QDPR: variants seen among roughly 807,000 people sequenced by gnomAD.
QDPR encodes the protein dihydropteridine reductase.
A neutral mutation model predicts 31.7 loss-of-function variants in QDPR; 23 were observed. The observed-to-expected ratio is 0.73, with a 90% CI of 0.52 to 1.03. The LOEUF is 1.03. Among genes scored for constraint, QDPR ranks in the 50% least tolerant of loss-of-function variants. The pLI is 0.00. For synonymous variants in QDPR, 124 were observed against 124.7 expected (o/e 0.99, Z 0.03); for missense variants, 324 against 323.8 (o/e 1.00, Z 0.00).
In QDPR at chr4:17,487,060, G is replaced by A; in HGVS notation, c.*71C>T. 1.6e-6 allele frequency: 2 copies of A among 1,227,858 alleles called. No homozygotes were observed. Among genetic ancestry groups the A allele is most frequent in the South Asian group, 2.4e-5 (2 of 82,996 alleles). The allele number at this position is 1,227,858 out of a possible 1,614,324, so 76.1% of individuals were successfully genotyped here. A position where few individuals can be genotyped will look rare whatever the true frequency, so the allele number is the denominator to read the frequency against. On this transcript the variant is annotated 3_prime_UTR_variant, in exon 7 of 7. Coordinates refer to ENST00000281243, the MANE Select transcript of QDPR (RefSeq NM_000320.3). ...AAACAGGGGTTACAGAAAACACAAG[G>A]CTGGACAAGGCCACACTGAGACAGG... is the stretch of plus-strand genomic sequence containing the variant.
intron 6 of QDPR, chr4:17,490,131 G>C (rs1425544744): frequency 5.6e-6 from 1 of 179,326 alleles, no homozygotes; most frequent in African/African-American, 2.3e-5. Context: ...TGGGCAAAAA[G>C]GATTTCGGAA....
rs79326888 is a variant in QDPR at position 17,501,051 on chromosome 4, G to A, written c.436+668C>T. Among the ~76,000 whole-genome samples, 1,389 of 152,262 alleles carry A rather than the reference G, an allele frequency of 9.1e-3. 28 individuals carry two copies. Among genetic ancestry groups the A allele is most frequent in the African/African-American group, 0.031 (1,308 of 41,530 alleles). On this transcript the variant is annotated intron_variant, in intron 4 of 6. Transcript: ENST00000281243. ...ATAGCTACACCTCTACAGTTTTACA[G>A]TACTCTTCAAGTTAGATGTCACTGT... is the stretch of plus-strand genomic sequence containing the variant.
chr4:17,487,754 G>C (rs1454058822), intron 6 of QDPR, among the ~76,000 whole-genome samples: 2 of 152,140 alleles, frequency 1.3e-5, no homozygotes, highest in Non-Finnish European at 2.9e-5. Context: ...CTTGAGCCCA[G>C]GTGTTTGAGG....
intron 6 of QDPR, among the ~76,000 whole-genome samples, chr4:17,488,109 CA>C (rs1175572864): frequency 4.0e-5 from 6 of 151,840 alleles, no homozygotes; most frequent in African/African-American, 1.5e-4. Flanking sequence ...TAAAAAAATA[CA>C]AAAAATAGCT....
intron 3 of QDPR, among the ~76,000 whole-genome samples, chr4:17,503,739 C>T (rs1358319281): frequency 6.6e-6 from 1 of 152,182 alleles, no homozygotes; most frequent in Non-Finnish European, 1.5e-5. Flanking sequence ...CACCTGAGGT[C>T]AGGAGTTCAA....
At chr4:17,496,297 T>C (rs1442306532) in intron 4 of QDPR, among the ~76,000 whole-genome samples, 2 of 151,666 alleles carry the variant, frequency 1.3e-5, no homozygotes, top group Non-Finnish European at 2.9e-5. Flanking sequence ...AATACAAAGT[T>C]AGCTGGGGGT....
intron 4 of QDPR, among the ~76,000 whole-genome samples, chr4:17,500,032 G>A (rs1405842834): frequency 2.0e-5 from 3 of 151,774 alleles, no homozygotes; most frequent in Non-Finnish European, 4.4e-5. Flanking sequence ...TGCCCAGGCT[G>A]GAGTGCAGTG....
At chr4:17,497,369 G>A (rs1053910241) in intron 4 of QDPR, among the ~76,000 whole-genome samples, 5 of 151,944 alleles carry the variant, frequency 3.3e-5, no homozygotes, top group Admixed American at 3.3e-4. Context: ...CCAAGACCCT[G>A]TTTGAATCAG....
intron 1 of QDPR, among the ~76,000 whole-genome samples, chr4:17,509,592 T>C (rs975762049): frequency 3.3e-5 from 5 of 152,134 alleles, no homozygotes; most frequent in African/African-American, 4.8e-5. Flanking sequence ...TCAGGTGTGG[T>C]GGCACATGCC....
Position 17,487,112 on chromosome 4 carries a change from A to G in QDPR, c.*19T>C. The G allele has an allele frequency of 1.9e-6, 3 of 1,597,584 alleles. No homozygotes were observed. The highest frequency in any genetic ancestry group is 2.6e-6 in the Non-Finnish European group (3 of 1,165,302). Reference sequence around the variant, plus strand: ...TAGTGACTTTTCTGGCAGGCCCCTCATAGGCACTGAGATGAGGCCTAAAAA... The same window carrying G: ...TAGTGACTTTTCTGGCAGGCCCCTCGTAGGCACTGAGATGAGGCCTAAAAA... On this transcript the variant is annotated 3_prime_UTR_variant, in exon 7 of 7. Coordinates refer to ENST00000281243, the MANE Select transcript of QDPR (RefSeq NM_000320.3).
chr4:17,510,010 G>A (rs1160964453), intron 1 of QDPR: 2 of 455,402 alleles, frequency 4.4e-6, no homozygotes, highest in South Asian at 3.1e-5. Context: ...ATAAATAGGG[G>A]GAAAAAATAA....
At chr4:17,501,647 A>G in intron 4 of QDPR, 72 bp downstream of exon 4, 2 of 1,577,930 alleles carry the variant, frequency 1.3e-6, no homozygotes, top group Non-Finnish European at 1.7e-6. Flanking sequence ...TCCTCATCCC[A>G]TGAAAGTGCC....
chr4:17,487,357 A>C (rs1718001438), intron 6 of QDPR, 121 bp from the exon 7 acceptor site: 2 of 770,060 alleles, frequency 2.6e-6, no homozygotes, highest in Admixed American at 2.0e-5. Flanking sequence ...GACTGTTTAA[A>C]AGCCACTAAG....
At chr4:17,487,300 T>G (rs1034082237) in intron 6 of QDPR, 64 bp from the exon 7 acceptor site, 44 of 1,290,872 alleles carry the variant, frequency 3.4e-5, no homozygotes, top group Non-Finnish European at 4.9e-5. Flanking sequence ...CATGCTGACC[T>G]TCACAGTGAC....
chr4:17,488,072 C>G (rs2597770), intron 6 of QDPR, among the ~76,000 whole-genome samples: 98,937 of 151,864 alleles, frequency 0.65, 32,604 homozygotes, highest in East Asian at 0.77. Flanking sequence ...TGAGACCAGC[C>G]TGGGCAACTG....
intron 1 of QDPR, among the ~76,000 whole-genome samples, chr4:17,509,690 A>G (rs1240307431): frequency 1.3e-5 from 2 of 152,192 alleles, no homozygotes; most frequent in Non-Finnish European, 2.9e-5. Flanking sequence ...CGGGCTAGGC[A>G]ACAGAAGGAG....
intron 4 of QDPR, chr4:17,492,621 AT>A: frequency 2.0e-6 from 1 of 511,786 alleles, no homozygotes; most frequent in South Asian, 2.2e-5. Flanking sequence ...AAGCTGCAGC[AT>A]TCCAGGGTCC....
rs3733569 is a variant in QDPR at position 17,501,747 on chromosome 4, G to A, written c.408C>T (p.Gly136=). The change falls in exon 4 of 7, where the codon GGC becomes GGT. Residue 136 remains glycine (G), a synonymous_variant. Coordinates refer to ENST00000281243, the MANE Select transcript of QDPR (RefSeq NM_000320.3). ...GAGTCCCATCCAGGGCAGCCTTTGC[G>A]CCAGCCAAGGTCAGGAGGCCTCCTT... ...LKEGGLLTLA[G]AKAALDGTPG... 103 of 1,614,154 alleles carry A rather than the reference G, an allele frequency of 6.4e-5. No individual in the cohort carries two copies. The highest frequency in any genetic ancestry group is 6.0e-4 in the East Asian group (27 of 44,878).
chr4:17,505,215 T>A (rs1016903508), intron 2 of QDPR, among the ~76,000 whole-genome samples: 2 of 151,896 alleles, frequency 1.3e-5, no homozygotes, highest in Non-Finnish European at 2.9e-5. Context: ...TCCCAATTGC[T>A]TCATTAAGAT....
Sources: allele counts gnomAD v4.1 joint callset (sites outside exome capture counted in the v4.1 genomes callset), GRCh38; gene constraint gnomAD v4.1.1; transcripts MANE v1.5; gene names NCBI Gene and HGNC (gene_info 2026-07-23, HGNC 2026-07-21).